The following LRRC4C variants were observed in gnomAD, a reference collection of about 807,000 sequenced individuals.
LRRC4C encodes leucine rich repeat containing 4C.
Under a neutral mutation model 33.6 loss-of-function variants are expected in LRRC4C, and 5 were observed. The ratio of observed to expected loss-of-function variants is 0.15; its 90% CI spans 0.08 to 0.31. The LOEUF (loss-of-function observed/expected upper bound fraction) is 0.31, where lower values mean the gene tolerates loss of function less well. Ranked by LOEUF, LRRC4C falls within the 10% of genes least tolerant of loss-of-function variation. LRRC4C has a pLI of 1.00. For missense variants in LRRC4C, 560 were observed against 796.7 expected (o/e 0.70, Z 3.58); for synonymous variants, 329 against 302.0 (o/e 1.09, Z -0.93).
chr11:40,286,442 T>C (rs898126591), intron 4 of LRRC4C, among the ~76,000 whole-genome samples: 3 of 152,164 alleles, frequency 2.0e-5, no homozygotes, highest in African/African-American at 7.2e-5. Context: ...TACATTAACT[T>C]TACATAAGTT....
intron 1 of LRRC4C, among the ~76,000 whole-genome samples, chr11:40,948,478 T>C (rs1325314094): frequency 1.1e-3 from 167 of 149,692 alleles, no homozygotes; most frequent in African/African-American, 4.1e-3. Flanking sequence ...TAACTCGTCA[T>C]CTAGCATTAG....
intron 2 of LRRC4C, among the ~76,000 whole-genome samples, chr11:40,711,075 C>G (rs1336887892): frequency 1.3e-5 from 2 of 152,120 alleles, no homozygotes; most frequent in African/African-American, 4.8e-5. Context: ...TGGCAGTGTC[C>G]CGATTTTCCT....
intron 1 of LRRC4C, among the ~76,000 whole-genome samples, chr11:41,231,868 T>A (rs1369020153): frequency 1.3e-5 from 2 of 151,806 alleles, no homozygotes; most frequent in African/African-American, 4.8e-5. Context: ...AACTAGTCCA[T>A]ACTTTTGAAT....
At chr11:41,355,310 G>A (rs1035681874) in intron 1 of LRRC4C, among the ~76,000 whole-genome samples, 10 of 152,076 alleles carry the variant, frequency 6.6e-5, no homozygotes, top group African/African-American at 2.4e-4. Flanking sequence ...ATCTTTCACA[G>A]AGCAATTATG....
At chr11:40,434,037 T>A (rs1299917524) in intron 3 of LRRC4C, among the ~76,000 whole-genome samples, 1 of 152,200 alleles carries the variant, frequency 6.6e-6, no homozygotes, top group African/African-American at 2.4e-5. Context: ...AACTATTTTT[T>A]CTTCTTTTCT....
intron 1 of LRRC4C, among the ~76,000 whole-genome samples, chr11:41,252,594 C>T (rs1466668388): frequency 6.6e-6 from 1 of 152,086 alleles, no homozygotes; most frequent in Non-Finnish European, 1.5e-5. Context: ...TTTTGTAATA[C>T]TATTTTGTTC....
chr11:41,350,362 T>C (rs2137560733), intron 1 of LRRC4C, among the ~76,000 whole-genome samples: 1 of 152,002 alleles, frequency 6.6e-6, no homozygotes, highest in African/African-American at 2.4e-5. Context: ...CACAAAAAAT[T>C]AGCCGGGCGT....
intron 1 of LRRC4C, among the ~76,000 whole-genome samples, chr11:41,097,994 C>A (rs534498815): frequency 1.3e-5 from 2 of 150,316 alleles, no homozygotes; most frequent in African/African-American, 2.5e-5. Context: ...CCTATATTTC[C>A]ATTAAAAAAA....
intron 3 of LRRC4C, among the ~76,000 whole-genome samples, chr11:40,552,731 A>G (rs1332315015): frequency 6.6e-6 from 1 of 152,204 alleles, no homozygotes; most frequent in Non-Finnish European, 1.5e-5. Flanking sequence ...AATTATGAAG[A>G]CATGTCCAAA....
chr11:40,482,124 A>G (rs1335358429), intron 3 of LRRC4C, among the ~76,000 whole-genome samples: 1 of 152,218 alleles, frequency 6.6e-6, no homozygotes, highest in Non-Finnish European at 1.5e-5. Flanking sequence ...TAACAATCAT[A>G]TAGATCTTTG....
At chr11:41,014,246 T>C (rs1855418507) in intron 1 of LRRC4C, among the ~76,000 whole-genome samples, 1 of 152,150 alleles carries the variant, frequency 6.6e-6, no homozygotes, top group Non-Finnish European at 1.5e-5. Context: ...AGTATTTCAA[T>C]GTGTGAATTT....
intron 5 of LRRC4C, among the ~76,000 whole-genome samples, chr11:40,232,769 T>C (rs952998375): frequency 6.6e-6 from 1 of 152,198 alleles, no homozygotes; most frequent in Non-Finnish European, 1.5e-5. Context: ...TTAGGTGCCA[T>C]TTCTCAGAGA....
At chr11:40,520,879 G>T (rs1955781396) in intron 3 of LRRC4C, among the ~76,000 whole-genome samples, 1 of 152,042 alleles carries the variant, frequency 6.6e-6, no homozygotes, top group South Asian at 2.1e-4. Flanking sequence ...TGATTTTCTT[G>T]TACATCCAGT....
chr11:40,172,526 T>C (rs1860130752), intron 5 of LRRC4C, among the ~76,000 whole-genome samples: 1 of 152,106 alleles, frequency 6.6e-6, no homozygotes, highest in Admixed American at 6.6e-5. Flanking sequence ...AAGATTATAA[T>C]TTTTATGCTC....
intron 2 of LRRC4C, among the ~76,000 whole-genome samples, chr11:40,888,740 A>G (rs984064870): frequency 1.3e-5 from 2 of 152,040 alleles, no homozygotes; most frequent in African/African-American, 4.8e-5. Flanking sequence ...GTAACTGTTT[A>G]TAATGAAATA....
chr11:41,459,215 C>G (rs141348555), intron 1 of LRRC4C, among the ~76,000 whole-genome samples: 8 of 152,070 alleles, frequency 5.3e-5, no homozygotes, highest in Non-Finnish European at 1.0e-4. Flanking sequence ...AAGAGAGGTA[C>G]AAAAATGGTA....
intron 1 of LRRC4C, among the ~76,000 whole-genome samples, chr11:41,215,610 A>C (rs930090948): frequency 2.0e-5 from 3 of 151,720 alleles, no homozygotes; most frequent in African/African-American, 7.3e-5. Flanking sequence ...TATGTTTGGC[A>C]TTTCTTACAA....
chr11:40,368,835 T>C (rs1043249353), intron 3 of LRRC4C, among the ~76,000 whole-genome samples: 3 of 152,174 alleles, frequency 2.0e-5, no homozygotes, highest in African/African-American at 7.2e-5. Context: ...TGTTCTATCA[T>C]GTAAAAATTG....
intron 1 of LRRC4C, among the ~76,000 whole-genome samples, chr11:41,396,935 A>G (rs1008046446): frequency 2.0e-5 from 3 of 152,092 alleles, no homozygotes; most frequent in Non-Finnish European, 4.4e-5. Flanking sequence ...AATTTTTGCA[A>G]ACTATGAATG....
Sources: gnomAD v4.1 joint callset for allele counts (sites outside exome capture counted in the v4.1 genomes callset) on GRCh38, gnomAD v4.1.1 for gene constraint, MANE v1.5 for transcripts, NCBI Gene and HGNC (gene_info 2026-07-23, HGNC 2026-07-21) for gene names.